The following SPATA13 variants were observed in gnomAD, a reference collection of about 807,000 sequenced individuals.
The protein encoded by SPATA13 is spermatogenesis-associated protein 13.
In SPATA13, 50 loss-of-function variants were observed where a neutral mutation model predicts 104.0. The observed-to-expected ratio is 0.48, with a 90% CI of 0.38 to 0.61. SPATA13 has a LOEUF of 0.61. Ranked by LOEUF, SPATA13 falls within the 20% of genes least tolerant of loss-of-function variation. The probability of loss-of-function intolerance (pLI) is 0.00; values close to 1 mark genes in which losing one functional copy is unlikely to be tolerated. For missense variants in SPATA13, 1,524 were observed against 1,690.6 expected, an observed-to-expected ratio of 0.90 and a Z score of 1.73; for synonymous variants, 606 against 667.5, an observed-to-expected ratio of 0.91 and a Z score of 1.42.
chr13:24,125,064 G>A (rs879173752), intron 3 of SPATA13, among the ~76,000 whole-genome samples: 4 of 152,168 alleles, frequency 2.6e-5, no homozygotes, highest in Admixed American at 2.6e-4. Context: ...TCTCCCAATG[G>A]CCCCATTGTC....
At chr13:24,246,811 C>T (rs766050784) in intron 2 of SPATA13, among the ~76,000 whole-genome samples, 1 of 150,934 alleles carries the variant, frequency 6.6e-6, no homozygotes. Context: ...TGCGGTGAGC[C>T]GAGATCACAC....
chr13:24,269,048 C>T (rs1319052754), intron 4 of SPATA13, among the ~76,000 whole-genome samples: 1 of 152,194 alleles, frequency 6.6e-6, no homozygotes, highest in Non-Finnish European at 1.5e-5. Flanking sequence ...TGGGAACTAG[C>T]ATGTTATTAA....
Position 24,223,569 on chromosome 13 carries a change from C to T in SPATA13, c.640C>T (p.Leu214=), listed in dbSNP as rs1165268541. ...AGCCTACGGCCTGGGCCGCATCTGC[C>T]TGCTGGATGCGCCCCAGAACCATGC... is the stretch of plus-strand genomic sequence containing the variant. The part of the protein sequence containing the change: ...RRAYGLGRIC[L]LDAPQNHATP... The change falls in exon 2 of 13, where the codon CTG becomes TTG. Residue 214 remains leucine, a synonymous_variant. Transcript: ENST00000382108. The T allele has an allele frequency of 7.7e-6, 12 of 1,549,720 alleles. No homozygotes were observed. The Admixed American group carries it at 1.6e-4, about 20-fold the overall frequency.
chr13:24,000,070 G>T (rs1875884640), intron 2 of SPATA13, among the ~76,000 whole-genome samples: 1 of 152,198 alleles, frequency 6.6e-6, no homozygotes, highest in South Asian at 2.1e-4. Context: ...ACCACACAAA[G>T]ATGGCATTTC....
intron 3 of SPATA13, among the ~76,000 whole-genome samples, chr13:24,036,305 T>C (rs1877679711): frequency 6.6e-6 from 1 of 152,248 alleles, no homozygotes; most frequent in Admixed American, 6.5e-5. Context: ...AGCTGGGCTG[T>C]CCTTATCTGT....
intron 3 of SPATA13, among the ~76,000 whole-genome samples, chr13:24,098,925 CAAAAAAAAAA>C (rs61641076): frequency 1.3e-5 from 1 of 79,520 alleles, no homozygotes; most frequent in Non-Finnish European, 2.7e-5. Flanking sequence ...GACTCCATCT[CAAAAAAAAAA>C]AAAAAAAGAA....
At chr13:24,288,626 T>C (rs1218849905) in intron 7 of SPATA13, among the ~76,000 whole-genome samples, 3 of 152,148 alleles carry the variant, frequency 2.0e-5, no homozygotes, top group Admixed American at 1.3e-4. Context: ...CAGCAAGCAG[T>C]GACATTCTGC....
chr13:24,041,479 G>A (rs553820210), intron 3 of SPATA13, among the ~76,000 whole-genome samples: 14 of 152,254 alleles, frequency 9.2e-5, no homozygotes, highest in South Asian at 2.1e-4. Flanking sequence ...GAAAGATATC[G>A]TCATATAACA....
intron 1 of SPATA13, among the ~76,000 whole-genome samples, chr13:24,220,334 C>T (rs940636016): frequency 3.3e-5 from 5 of 152,088 alleles, no homozygotes; most frequent in Non-Finnish European, 7.4e-5. Context: ...CTGTCTAATC[C>T]CCTGAATTAC....
rs1878355580 is a variant in SPATA13 at position 24,051,951 on chromosome 13, G to A, written c.-112+34250G>A. Among the ~76,000 whole-genome samples, 1 of 152,120 alleles carries A rather than the reference G, an allele frequency of 6.6e-6. No individual in the cohort carries two copies. Among genetic ancestry groups the A allele is most frequent in the South Asian group, 2.1e-4 (1 of 4,822 alleles). On this transcript the variant is annotated intron_variant, in intron 3 of 14. Coordinates refer to the SPATA13 transcript ENST00000424834. The surrounding 1 kb of genome is among the most constrained non-coding windows in gnomAD (Gnocchi z 4.2). ...CTGCAGCTCCTCACCAGGTTCAGAC[G>A]TCCTGGCTCTGGTCCTCCCACCTCA...
chr13:23,980,285 G>C (rs1874821483), intron 1 of SPATA13, among the ~76,000 whole-genome samples: 1 of 152,222 alleles, frequency 6.6e-6, no homozygotes, highest in Non-Finnish European at 1.5e-5. Context: ...CCAGCCTGGC[G>C]GTCGCGTTGC....
At chr13:24,108,943 A>G (rs1880546194) in intron 3 of SPATA13, among the ~76,000 whole-genome samples, 1 of 151,976 alleles carries the variant, frequency 6.6e-6, no homozygotes, top group African/African-American at 2.4e-5. Context: ...CCCACACTCC[A>G]GCTCTCTCTT....
chr13:24,294,181 G>C (rs1046375577), intron 9 of SPATA13, among the ~76,000 whole-genome samples: 1 of 152,182 alleles, frequency 6.6e-6, no homozygotes, highest in Admixed American at 6.5e-5. Context: ...ACGTGACTGT[G>C]GTGGACGGAA....
intron 1 of SPATA13, among the ~76,000 whole-genome samples, chr13:24,169,429 C>T (rs11619480): frequency 0.59 from 90,323 of 151,934 alleles, 27,614 homozygotes; most frequent in East Asian, 0.73. Flanking sequence ...AGTCGTAAGG[C>T]GTGAGTAGAC....
At chr13:24,246,743 A>G (rs1055128538) in intron 2 of SPATA13, among the ~76,000 whole-genome samples, 2 of 152,092 alleles carry the variant, frequency 1.3e-5, no homozygotes, top group African/African-American at 4.8e-5. Context: ...GGTGCCTGTA[A>G]TCCCAGCTAC....
At chr13:24,155,797 A>C (rs1442070316), upstream of SPATA13, among the ~76,000 whole-genome samples, 1 of 152,174 alleles carries the variant, frequency 6.6e-6, no homozygotes, top group Non-Finnish European at 1.5e-5. Flanking sequence ...AACATTTCTC[A>C]TCTTGCAAAA....
chr13:23,992,279 C>T (rs912761094), intron 2 of SPATA13, among the ~76,000 whole-genome samples: 5 of 152,154 alleles, frequency 3.3e-5, no homozygotes, highest in Admixed American at 3.3e-4. Flanking sequence ...ACCTTGTGTA[C>T]TTAGGTCTCT....
intron 1 of SPATA13, among the ~76,000 whole-genome samples, chr13:24,218,711 T>A (rs1485148680): frequency 6.8e-6 from 1 of 146,216 alleles, no homozygotes; most frequent in Non-Finnish European, 1.5e-5. Flanking sequence ...ATGAGGGGTT[T>A]TTTTTTTTGC....
At chr13:23,993,828 G>A (rs1480400300) in intron 2 of SPATA13, among the ~76,000 whole-genome samples, 1 of 152,242 alleles carries the variant, frequency 6.6e-6, no homozygotes, top group Non-Finnish European at 1.5e-5. Context: ...TGCAGGCTGA[G>A]GGTGAGGTCA....
Sources: allele counts gnomAD v4.1 joint callset (sites outside exome capture counted in the v4.1 genomes callset), GRCh38; gene constraint gnomAD v4.1.1; non-coding constraint Gnocchi (gnomAD v3.1); transcripts MANE v1.5; gene names NCBI Gene and HGNC (gene_info 2026-07-23, HGNC 2026-07-21).